The following EFR3B variants were observed in gnomAD, a reference collection of about 807,000 sequenced individuals.
The protein encoded by EFR3B is protein EFR3 homolog B.
EFR3B carries 64 observed loss-of-function variants against 104.7 expected under a neutral mutation model. The observed-to-expected ratio is 0.61, with a 90% CI of 0.50 to 0.75. EFR3B has a LOEUF of 0.75. Ranked by LOEUF, EFR3B falls within the 30% of genes least tolerant of loss-of-function variation. The pLI is 0.00. For missense variants in EFR3B, 750 were observed against 1,078.5 expected (o/e 0.70, Z 4.27); for synonymous variants, 385 against 417.9 (o/e 0.92, Z 0.96).
rs189784017 is a variant in EFR3B at position 25,128,122 on chromosome 2, C to T, written c.486-61C>T. On this transcript the variant is annotated intron_variant, in intron 5 of 22. Coordinates refer to ENST00000403714, the MANE Select transcript of EFR3B (RefSeq NM_014971.2). ...TAAGCTGTGCTCTTCTCTTAGCCACCGAAGCTGGACTTCTCAGGGCTAGAG... is the reference window on the plus strand; with the variant it reads ...TAAGCTGTGCTCTTCTCTTAGCCACTGAAGCTGGACTTCTCAGGGCTAGAG... 2.5e-4 allele frequency: 391 copies of T among 1,538,880 alleles called. 3 individuals carry two copies. The East Asian group carries it at 8.5e-3, about 34-fold the overall frequency.
In EFR3B at chr2:25,155,961, G is replaced by A. The variant is rs1671156929; in HGVS notation, c.*1621G>A. The stretch of plus-strand genomic sequence containing the variant: ...CCACCTCAGCCTCCTGAGTAGCTGA[G>A]AATCCCTTTTTAGGGTACAATTTCA... On this transcript the variant is annotated 3_prime_UTR_variant, in exon 23 of 23. Coordinates refer to ENST00000403714, the MANE Select transcript of EFR3B (RefSeq NM_014971.2). 1 of 151,968 alleles carries A rather than the reference G, an allele frequency of 6.6e-6. No homozygotes were observed. The allele number at this position is 151,968 out of a possible 1,614,324, so 9.4% of individuals were successfully genotyped here.
chr2:25,053,018 C>T (rs1456972339), intron 1 of EFR3B, among the ~76,000 whole-genome samples: 1 of 152,214 alleles, frequency 6.6e-6, no homozygotes, highest in East Asian at 1.9e-4. Context: ...AGCATTCCAG[C>T]TCCAGAGTGT....
intron 4 of EFR3B, among the ~76,000 whole-genome samples, chr2:25,120,191 C>CA (rs148865567): frequency 0.12 from 17,295 of 147,854 alleles, 1,869 homozygotes; most frequent in African/African-American, 0.28. Flanking sequence ...GCTGTCTCTA[C>CA]AAAAAAAAAA....
intron 1 of EFR3B, among the ~76,000 whole-genome samples, chr2:25,051,207 G>T (rs1260834210): frequency 2.6e-5 from 4 of 152,140 alleles, no homozygotes; most frequent in African/African-American, 9.7e-5. Context: ...TACCTCCTGG[G>T]TTCAAGCGAT....
intron 6 of EFR3B, among the ~76,000 whole-genome samples, chr2:25,128,755 G>A (rs1670237189): frequency 6.6e-6 from 1 of 151,464 alleles, no homozygotes; most frequent in Admixed American, 6.6e-5. Flanking sequence ...TCAGGAGATC[G>A]AGACCATCCT....
Position 25,130,090 on chromosome 2 carries a change from G to C in EFR3B, c.751G>C (p.Ala251Pro). The change falls in exon 7 of 23, where the codon GCC becomes CCC. Residue 251 changes from alanine (A) to proline (P), a missense_variant. Ala to Pro is a conservative substitution (Grantham distance 27). Coordinates refer to ENST00000403714, the MANE Select transcript of EFR3B (RefSeq NM_014971.2). This position sits in a 1 kb window ranked among gnomAD's most constrained non-coding sequence, Gnocchi z 4.6. The part of the protein sequence containing the change: ...GRAAFGNIKN[A>P]IKPVLIHLDN... ...GGCTGCCTTTGGCAACATCAAAAACGCCATCAAGCCTGTTCTCATGTGAGT... is the reference window on the plus strand; with the variant it reads ...GGCTGCCTTTGGCAACATCAAAAACCCCATCAAGCCTGTTCTCATGTGAGT... The C allele has an allele frequency of 1.3e-6, 2 of 1,551,802 alleles. No individual in the cohort carries two copies. Among genetic ancestry groups the C allele is most frequent in the Non-Finnish European group, 1.7e-6 (2 of 1,147,024 alleles).
intron 3 of EFR3B, among the ~76,000 whole-genome samples, chr2:25,097,390 G>C (rs13384209): frequency 3.9e-5 from 6 of 152,310 alleles, no homozygotes; most frequent in South Asian, 2.1e-4. Context: ...ACTGATGGCA[G>C]CTTTGGAAGA....
intron 6 of EFR3B, among the ~76,000 whole-genome samples, chr2:25,129,568 C>T (rs1670272836): frequency 1.3e-5 from 2 of 152,040 alleles, no homozygotes; most frequent in South Asian, 4.1e-4. Context: ...TCTCTTTCCT[C>T]TCCTTTCTTC....
intron 19 of EFR3B, among the ~76,000 whole-genome samples, chr2:25,148,909 G>T (rs529793617): frequency 9.8e-6 from 1 of 102,540 alleles, no homozygotes; most frequent in Non-Finnish European, 1.8e-5. Flanking sequence ...GTGACAGAGC[G>T]AGACTCCGTC....
At chr2:25,149,465 T>TA (rs2149213942) in intron 19 of EFR3B, among the ~76,000 whole-genome samples, 1 of 152,342 alleles carries the variant, frequency 6.6e-6, no homozygotes, top group Admixed American at 6.5e-5. Flanking sequence ...GGACTCTGTC[T>TA]AAGTCTGAAT....
At chr2:25,105,288 G>A (rs1434842916) in intron 4 of EFR3B, among the ~76,000 whole-genome samples, 2 of 152,134 alleles carry the variant, frequency 1.3e-5, no homozygotes, top group East Asian at 3.8e-4. Flanking sequence ...AAGTAGCTGG[G>A]ATTATAGGCA....
At chr2:25,051,327 C>A (rs1028313407) in intron 1 of EFR3B, among the ~76,000 whole-genome samples, 1 of 152,016 alleles carries the variant, frequency 6.6e-6, no homozygotes, top group Admixed American at 6.6e-5. Flanking sequence ...GTTGGCCAGG[C>A]GGGTCTCGAC....
At chr2:25,102,677 C>T (rs772626995) in intron 3 of EFR3B, among the ~76,000 whole-genome samples, 2 of 152,076 alleles carry the variant, frequency 1.3e-5, no homozygotes, top group Non-Finnish European at 2.9e-5. Context: ...GGTGGGGACG[C>T]GGAGCCAAAC....
chr2:25,121,323 T>G (rs180979163), intron 4 of EFR3B, among the ~76,000 whole-genome samples: 66 of 152,296 alleles, frequency 4.3e-4, no homozygotes, highest in Non-Finnish European at 6.2e-4. Context: ...TCACTCAGGT[T>G]CCGTATTATT....
chr2:25,073,088 C>T (rs1232232018), intron 1 of EFR3B, among the ~76,000 whole-genome samples: 2 of 152,188 alleles, frequency 1.3e-5, no homozygotes, highest in African/African-American at 4.8e-5. Context: ...TTGAAGCATA[C>T]ATTCACAACG....
intron 3 of EFR3B, among the ~76,000 whole-genome samples, chr2:25,096,506 G>A (rs779504209): frequency 6.6e-6 from 1 of 152,110 alleles, no homozygotes; most frequent in Non-Finnish European, 1.5e-5. Flanking sequence ...CCCAAGCTGC[G>A]CTTTCCTAGC....
chr2:25,058,703 G>C (rs1256715814), intron 1 of EFR3B, among the ~76,000 whole-genome samples: 1 of 151,476 alleles, frequency 6.6e-6, no homozygotes, highest in Middle Eastern at 3.2e-3. Context: ...AGCTTGCAGT[G>C]AGCCGAGATC....
chr2:25,128,005 C>T (rs537060117), intron 5 of EFR3B, among the ~76,000 whole-genome samples, 178 bp from the exon 6 acceptor site: 1 of 152,296 alleles, frequency 6.6e-6, no homozygotes, highest in African/African-American at 2.4e-5. Context: ...ACATGGCTTC[C>T]TGGGCTCATG....
chr2:25,049,402 T>A (rs1667806214), intron 1 of EFR3B, among the ~76,000 whole-genome samples: 1 of 152,248 alleles, frequency 6.6e-6, no homozygotes, highest in Non-Finnish European at 1.5e-5. Flanking sequence ...GAGTAGCAGC[T>A]ATGTATGATA....
Sources: allele counts gnomAD v4.1 joint callset (sites outside exome capture counted in the v4.1 genomes callset), GRCh38; gene constraint gnomAD v4.1.1; non-coding constraint Gnocchi (gnomAD v3.1); transcripts MANE v1.5; gene names NCBI Gene and HGNC (gene_info 2026-07-23, HGNC 2026-07-21).